Variants in AOAH observed in about 807,000 individuals in gnomAD.
The protein encoded by AOAH is acyloxyacyl hydrolase (neutrophil).
In AOAH, 64 loss-of-function variants were observed where a neutral mutation model predicts 92.2. The observed-to-expected ratio is 0.69, with a 90% CI of 0.57 to 0.86. The LOEUF (loss-of-function observed/expected upper bound fraction) is 0.86, where lower values mean the gene tolerates loss of function less well. AOAH is among the 40% of genes least tolerant of loss of function. The probability of loss-of-function intolerance (pLI) is 0.00; values close to 1 mark genes in which losing one functional copy is unlikely to be tolerated. For synonymous variants in AOAH, 263 were observed against 254.5 expected (o/e 1.03, Z -0.32); for missense variants, 656 against 694.6 (o/e 0.94, Z 0.62).
chr7:36,517,206 CTT>C lies in AOAH; in HGVS notation c.1600-3828_1600-3827del, dbSNP rs144308019. Reference sequence around the variant, plus strand: ...TCTTTCTTTCTTTCTTTCTTTCTTTCTTTCTTTCTCTTTCTTTCTGTCTCTCT... The same window carrying C: ...TCTTTCTTTCTTTCTTTCTTTCTTTCTCTTTCTCTTTCTTTCTGTCTCTCT... On this transcript the variant is annotated intron_variant, in intron 20 of 20. Transcript: ENST00000617537. Among the ~76,000 whole-genome samples the C allele has an allele frequency of 3.1e-3, 148 of 47,238 alleles. 1 individual carries two copies. Among genetic ancestry groups the C allele is most frequent in the Middle Eastern group, 8.9e-3 (1 of 112 alleles). 31.0% of individuals were successfully genotyped at this position (47,238 alleles called of 152,430 possible).
intron 3 of AOAH, chr7:36,661,274 G>C (rs530943562): frequency 6.6e-6 from 1 of 152,182 alleles, no homozygotes; most frequent in East Asian, 1.9e-4. Flanking sequence ...AAAAATGTTC[G>C]GCTTCACCCT....
rs1784759407 is a variant in AOAH, at chr7:36,532,523, A to G, written c.1307-179T>C. On this transcript the variant is annotated intron_variant, in intron 16 of 20. Transcript: ENST00000617537. ...GCTTTCCTCCTTTCTGAGCCTCTAGAAATTCAGACCCAGAGTTGAGGAGGA... is the reference window on the plus strand; with the variant it reads ...GCTTTCCTCCTTTCTGAGCCTCTAGGAATTCAGACCCAGAGTTGAGGAGGA... 2.0e-5 allele frequency among the ~76,000 whole-genome samples: 3 copies of G among 152,174 alleles called. No individual in the cohort carries two copies. In the South Asian group the frequency reaches 6.2e-4, roughly 31 times the overall value.
rs199557473 is a variant in AOAH at position 36,620,900 on chromosome 7, A to C, written c.654-71T>G. 86 of 792,074 alleles carry C rather than the reference A, an allele frequency of 1.1e-4. No individual in the cohort carries two copies. In the South Asian group the frequency reaches 1.5e-3, roughly 14 times the overall value. 49.1% of individuals were successfully genotyped at this position (792,074 alleles called of 1,614,324 possible). ...TCAGTGGATGTCAGTTTCATGCATG[A>C]ATGAATGAATGAATGAATGAATGCT... On this transcript the variant is annotated intron_variant, in intron 8 of 20. Transcript: ENST00000617537.
At chr7:36,587,072 G>C (rs144744402) in intron 12 of AOAH, among the ~76,000 whole-genome samples, 2 of 151,798 alleles carry the variant, frequency 1.3e-5, no homozygotes, top group Non-Finnish European at 2.9e-5. Context: ...AGGAGTTCGC[G>C]ACCAGCCTGG....
At chr7:36,530,597 G>T in intron 18 of AOAH, 83 bp from the exon 19 acceptor site, 1 of 880,182 alleles carries the variant, frequency 1.1e-6, no homozygotes, top group South Asian at 1.4e-5. Context: ...CAAAGAAATC[G>T]ATCTTCCCCA....
intron 4 of AOAH, among the ~76,000 whole-genome samples, chr7:36,639,791 C>A (rs1030265257): frequency 6.6e-6 from 1 of 152,188 alleles, no homozygotes; most frequent in Non-Finnish European, 1.5e-5. Context: ...GTGAACCCCA[C>A]GGTGAATGAC....
intron 1 of AOAH, among the ~76,000 whole-genome samples, chr7:36,698,850 A>G (rs1033841296): frequency 6.6e-6 from 1 of 152,114 alleles, no homozygotes; most frequent in Non-Finnish European, 1.5e-5. Flanking sequence ...GAAATGCACA[A>G]TAGGTTATTG....
In AOAH at chr7:36,705,384, T is replaced by C. The variant is rs184439193; in HGVS notation, c.128-18590A>G. On this transcript the variant is annotated intron_variant, in intron 1 of 20. Coordinates refer to ENST00000617537, the MANE Select transcript of AOAH (RefSeq NM_001637.4). ...ATCATGAGCAAACTTCCATTCACAATTGCTACAAAGAGAATAAAATACCTA... is the reference window on the plus strand; with the variant it reads ...ATCATGAGCAAACTTCCATTCACAACTGCTACAAAGAGAATAAAATACCTA... Among the ~76,000 whole-genome samples, 14 of 152,204 alleles carry C rather than the reference T, an allele frequency of 9.2e-5. No individual in the cohort carries two copies. The East Asian group carries it at 2.5e-3, about 27-fold the overall frequency.
chr7:36,546,121 A>G (rs1182545347), intron 15 of AOAH, among the ~76,000 whole-genome samples: 6 of 152,204 alleles, frequency 3.9e-5, no homozygotes, highest in Admixed American at 3.3e-4. Context: ...CTATCTTCCA[A>G]TCGTGACCCT....
chr7:36,659,963 G>C (rs561440491), intron 3 of AOAH, among the ~76,000 whole-genome samples: 1 of 152,052 alleles, frequency 6.6e-6, no homozygotes, highest in African/African-American at 2.4e-5. Context: ...TTTTACTATC[G>C]TGACTTGTCC....
chr7:36,548,536 G>A, intron 15 of AOAH, 76 bp downstream of exon 15: 1 of 1,223,630 alleles, frequency 8.2e-7, no homozygotes, highest in Non-Finnish European at 1.2e-6. Context: ...CTATAATGGA[G>A]TGGAGTTGGT....
chr7:36,596,485 G>A (rs533154252), intron 11 of AOAH, among the ~76,000 whole-genome samples: 1 of 152,238 alleles, frequency 6.6e-6, no homozygotes, highest in South Asian at 2.1e-4. Context: ...TTAAGAAGAG[G>A]TCATACTGGA....
chr7:36,537,423 A>C (rs1457740310), intron 16 of AOAH, among the ~76,000 whole-genome samples: 1 of 151,210 alleles, frequency 6.6e-6, no homozygotes, highest in Admixed American at 6.6e-5. Context: ...GACAGTCTTG[A>C]TTTTGGGGTG....
intron 20 of AOAH, chr7:36,514,674 A>G (rs866382992): frequency 3.3e-6 from 3 of 897,634 alleles, no homozygotes; most frequent in East Asian, 2.6e-5. Flanking sequence ...GTGGTTTTCA[A>G]TGCTGAGCAA....
chr7:36,535,827 C>T (rs10247112), intron 16 of AOAH, among the ~76,000 whole-genome samples: 4 of 152,228 alleles, frequency 2.6e-5, no homozygotes, highest in African/African-American at 7.2e-5. Context: ...GAATGATCCC[C>T]TTCCTCACAG....
At chr7:36,578,213 A>G (rs1295927035) in intron 12 of AOAH, among the ~76,000 whole-genome samples, 1 of 152,128 alleles carries the variant, frequency 6.6e-6, no homozygotes, top group Non-Finnish European at 1.5e-5. Flanking sequence ...AGCACCTGCT[A>G]CATTCCAAGT....
intron 19 of AOAH, among the ~76,000 whole-genome samples, chr7:36,523,242 A>T (rs921775759): frequency 6.6e-6 from 1 of 152,180 alleles, no homozygotes; most frequent in Non-Finnish European, 1.5e-5. Context: ...ACAGCATCAT[A>T]TTATGCTTCT....
At chr7:36,631,271 C>T (rs1284540578) in intron 6 of AOAH, among the ~76,000 whole-genome samples, 15 of 151,126 alleles carry the variant, frequency 9.9e-5, no homozygotes, top group Middle Eastern at 3.4e-3. Context: ...TGCTTGACCA[C>T]GGGAGGCAGA....
At position 36,594,464 on chromosome 7, in the gene AOAH, TG is replaced by T. The variant is rs746637293; in HGVS notation, c.847-35del. ...AACAATAAAGTAGCAATTATCAAAATGGTCATTTATTTTCTAAAGGTAGTAA... is the reference window on the plus strand; with the variant it reads ...AACAATAAAGTAGCAATTATCAAAATGTCATTTATTTTCTAAAGGTAGTAA... On this transcript the variant is annotated intron_variant, in intron 11 of 20. Transcript: ENST00000617537. 4 of 1,553,252 alleles carry T rather than the reference TG, an allele frequency of 2.6e-6. No homozygotes were observed. In the East Asian group the frequency reaches 9.0e-5, roughly 35 times the overall value.
Sources: gnomAD v4.1 joint callset for allele counts (sites outside exome capture counted in the v4.1 genomes callset) on GRCh38, gnomAD v4.1.1 for gene constraint, MANE v1.5 for transcripts, NCBI Gene and HGNC (gene_info 2026-07-23, HGNC 2026-07-21) for gene names.